The following SLC38A6 variants were observed in gnomAD, a reference collection of about 807,000 sequenced individuals.
The protein encoded by SLC38A6 is solute carrier family 38 member 6.
Under a neutral mutation model 65.0 loss-of-function variants are expected in SLC38A6, and 73 were observed. The observed-to-expected ratio is 1.12, with a 90% confidence interval of 0.93 to 1.37. The LOEUF is 1.37. SLC38A6 is among the 40% of genes most tolerant of loss of function. SLC38A6 has a pLI of 0.00. For missense variants in SLC38A6, 561 were observed against 531.1 expected, an observed-to-expected ratio of 1.06 and a Z score of -0.55; for synonymous variants, 183 against 178.8, an observed-to-expected ratio of 1.02 and a Z score of -0.19.
At position 61,045,404 on chromosome 14, in the gene SLC38A6, C is replaced by T; in HGVS notation, c.803C>T (p.Pro268Leu). 2 of 1,612,808 alleles carry T rather than the reference C, an allele frequency of 1.2e-6. No homozygotes were observed. The highest frequency in any genetic ancestry group is 8.5e-7 in the Non-Finnish European group (1 of 1,179,096). Residue 268 changes from proline (P) to leucine (L), a missense_variant, in exon 11 of 16, where the codon CCC becomes CTC. Pro to Leu is a moderately conservative substitution (Grantham distance 98). Coordinates refer to ENST00000267488, the MANE Select transcript of SLC38A6 (RefSeq NM_153811.3). ...FSFLCHTSIL[P>L]IYCELQSPSK... Reference sequence around the variant, plus strand: ...TTTCTCTGCCATACCTCAATATTGCCCATATACTGTGAACTTCAAAGGTAC... The same window carrying T: ...TTTCTCTGCCATACCTCAATATTGCTCATATACTGTGAACTTCAAAGGTAC...
At chr14:61,014,426 A>G (rs1198830179) in intron 3 of SLC38A6, among the ~76,000 whole-genome samples, 1 of 152,128 alleles carries the variant, frequency 6.6e-6, no homozygotes, top group African/African-American at 2.4e-5. Flanking sequence ...ATTGATGGTG[A>G]GGAGCTGCTT....
chr14:61,041,531 A>G (rs1229623544), intron 8 of SLC38A6, among the ~76,000 whole-genome samples: 1 of 152,222 alleles, frequency 6.6e-6, no homozygotes, highest in Non-Finnish European at 1.5e-5. Context: ...TTATCTAGGT[A>G]CCTGGTGCAC....
intron 15 of SLC38A6, among the ~76,000 whole-genome samples, chr14:61,075,960 A>G (rs563080327): frequency 1.3e-4 from 19 of 152,000 alleles, no homozygotes; most frequent in Non-Finnish European, 2.6e-4. Flanking sequence ...GGTTCAAGCA[A>G]TTCTCCTGCC....
At chr14:61,071,294 T>A (rs1372569408) in intron 15 of SLC38A6, among the ~76,000 whole-genome samples, 2 of 152,202 alleles carry the variant, frequency 1.3e-5, no homozygotes, top group Non-Finnish European at 2.9e-5. Flanking sequence ...TTAATATATC[T>A]GTAGTATATA....
rs2040381792 is a variant in SLC38A6, at chr14:61,022,258, A to AT, written c.403+2684dup. On this transcript the variant is annotated intron_variant, in intron 5 of 15. Coordinates refer to ENST00000267488, the MANE Select transcript of SLC38A6 (RefSeq NM_153811.3). The stretch of plus-strand genomic sequence containing the variant: ...TGCCCTAAAAGCATTCATGGATGCT[A>AT]TTTTTTGTCACTAAGCAAAAGGGAA... 2.0e-5 allele frequency among the ~76,000 whole-genome samples: 3 copies of AT among 152,160 alleles called. No homozygotes were observed. In the East Asian group the frequency reaches 5.8e-4, roughly 29 times the overall value.
intron 2 of SLC38A6, 63 bp from the exon 3 acceptor site, chr14:60,984,667 T>C (rs772267892): frequency 1.5e-6 from 2 of 1,377,348 alleles, no homozygotes; most frequent in Admixed American, 1.7e-5. Flanking sequence ...GTTTTTGTAA[T>C]GAGACACCAT....
chr14:61,075,717 T>C (rs1292283093), intron 15 of SLC38A6, among the ~76,000 whole-genome samples: 1 of 151,978 alleles, frequency 6.6e-6, no homozygotes, highest in Non-Finnish European at 1.5e-5. Flanking sequence ...CTAGGTTCTC[T>C]GTAACAAAGC....
intron 3 of SLC38A6, among the ~76,000 whole-genome samples, chr14:60,988,555 C>G (rs372794189): frequency 9.2e-5 from 14 of 152,290 alleles, no homozygotes; most frequent in Admixed American, 5.2e-4. Flanking sequence ...TATGGTCATA[C>G]CACTGATCTT....
chr14:61,012,261 G>A (rs994916909), intron 3 of SLC38A6, among the ~76,000 whole-genome samples: 1 of 151,978 alleles, frequency 6.6e-6, no homozygotes, highest in Non-Finnish European at 1.5e-5. Context: ...GCATCTATTT[G>A]ATTCTTCTCT....
intron 11 of SLC38A6, 151 bp downstream of exon 11, chr14:61,045,576 C>G: frequency 1.6e-6 from 1 of 618,988 alleles, no homozygotes; most frequent in Non-Finnish European, 2.7e-6. Flanking sequence ...AGAGTTAGTT[C>G]TGTCCAAGTT....
Position 61,052,424 on chromosome 14 carries a change from A to T in SLC38A6, c.1366A>T (p.Lys456Ter). ...LALIIFDWIN[K>*] ...ACTCATCATTTTTGATTGGATTAAT[A>T]AATAAAAGAAATATTTTCCTACTTC... The change falls in exon 16 of 16, where the codon AAA (lysine) becomes TAA (stop). Residue 456 changes from lysine (K) to a stop codon, truncating the protein, a stop_gained. Coordinates refer to ENST00000267488, the MANE Select transcript of SLC38A6 (RefSeq NM_153811.3). LOFTEE classifies it high-confidence loss of function. 6.4e-7 allele frequency: 1 copy of T among 1,559,580 alleles called. No individual in the cohort carries two copies. The highest frequency in any genetic ancestry group is 8.6e-7 in the Non-Finnish European group (1 of 1,157,130).
intron 16 of SLC38A6, among the ~76,000 whole-genome samples, chr14:61,082,367 G>A (rs1431376147): frequency 6.6e-6 from 1 of 152,078 alleles, no homozygotes; most frequent in East Asian, 1.9e-4. Context: ...CTTGTACCAA[G>A]ACCTGTTGCC....
intron 7 of SLC38A6, 54 bp downstream of exon 7, chr14:61,037,195 G>A (rs530115231): frequency 1.5e-6 from 2 of 1,319,244 alleles, no homozygotes; most frequent in Admixed American, 2.3e-5. Context: ...AAGGGAGGGA[G>A]GGAAAGAGAG....
intron 15 of SLC38A6, among the ~76,000 whole-genome samples, chr14:61,072,127 A>C (rs2043248687): frequency 6.6e-6 from 1 of 152,206 alleles, no homozygotes; most frequent in Non-Finnish European, 1.5e-5. Flanking sequence ...TGGCCTTTGA[A>C]TGTTCCACCC....
At chr14:61,040,163 G>A (rs1278231226) in intron 8 of SLC38A6, among the ~76,000 whole-genome samples, 1 of 151,736 alleles carries the variant, frequency 6.6e-6, no homozygotes, top group Non-Finnish European at 1.5e-5. Context: ...CGGTAATCCA[G>A]TTAGACAACT....
intron 8 of SLC38A6, among the ~76,000 whole-genome samples, chr14:61,039,524 A>ATTTTTTTTTTTTTTTTTT (rs5809078): frequency 4.6e-5 from 6 of 130,622 alleles, no homozygotes; most frequent in Non-Finnish European, 6.3e-5. Flanking sequence ...GTGCATGCTA[A>ATTTTTTTTTTTTTTTTTT]TTTTTTTTTT....
intron 3 of SLC38A6, among the ~76,000 whole-genome samples, chr14:61,015,694 A>G (rs2039960852): frequency 6.6e-6 from 1 of 152,224 alleles, no homozygotes; most frequent in Admixed American, 6.5e-5. Flanking sequence ...ATTTTTACAT[A>G]AAACAGCTGA....
At chr14:60,985,069 T>C (rs762360238) in intron 3 of SLC38A6, among the ~76,000 whole-genome samples, 4 of 152,120 alleles carry the variant, frequency 2.6e-5, no homozygotes, top group Non-Finnish European at 4.4e-5. Context: ...GAGTAGATCA[T>C]GGGAGGGTCT....
intron 3 of SLC38A6, 67 bp from the exon 4 acceptor site, chr14:61,015,837 C>G (rs552228401): frequency 1.0e-5 from 13 of 1,301,480 alleles, no homozygotes; most frequent in African/African-American, 1.5e-5. Flanking sequence ...AGGACCTGCT[C>G]TTCTCTTTAG....
Sources: gnomAD v4.1 joint callset for allele counts (sites outside exome capture counted in the v4.1 genomes callset) on GRCh38, gnomAD v4.1.1 for gene constraint, MANE v1.5 for transcripts, NCBI Gene and HGNC (gene_info 2026-07-23, HGNC 2026-07-21) for gene names.